FGF13: variants seen among roughly 807,000 people sequenced by gnomAD.
The protein encoded by FGF13 is fibroblast growth factor 13.
In FGF13, 2 loss-of-function variants were observed where a neutral mutation model predicts 19.5. The observed-to-expected ratio is 0.10, with a 90% CI of 0.04 to 0.32. The LOEUF (loss-of-function observed/expected upper bound fraction) is 0.32. Among genes scored for constraint, FGF13 ranks in the 10% least tolerant of loss-of-function variants. The pLI is 1.00. For missense variants in FGF13, 113 were observed against 192.7 expected (o/e 0.59, Z 2.45); for synonymous variants, 72 against 76.9 (o/e 0.94, Z 0.33).
chrX:138,740,426 C>A (rs2090311225), upstream of FGF13, among the ~76,000 whole-genome samples: 1 of 111,940 alleles, frequency 8.9e-6, no homozygotes, highest in Non-Finnish European at 1.9e-5. Flanking sequence ...TCATAAGCTT[C>A]TCTGCATAAT....
chrX:138,940,402 T>A (rs1603050331), intron 1 of FGF13, among the ~76,000 whole-genome samples: 2 of 112,296 alleles, frequency 1.8e-5, no homozygotes, highest in Admixed American at 1.9e-4. Context: ...TTGTTGATAG[T>A]TTCTTTTGCT....
At chrX:138,779,608 T>C (rs1198382158) in intron 3 of FGF13, among the ~76,000 whole-genome samples, 1 of 109,447 alleles carries the variant, frequency 9.1e-6, no homozygotes, top group Non-Finnish European at 1.9e-5. Flanking sequence ...AAGGGAAGTT[T>C]AGAGAAAAAA....
rs151061655 is a variant in FGF13, at chrX:139,050,392, G to A, written c.-113+153024C>T. Among the ~76,000 whole-genome samples, 717 of 111,872 alleles carry A rather than the reference G, an allele frequency of 6.4e-3. 9 individuals carry two copies. The highest frequency in any genetic ancestry group is 0.022 in the African/African-American group (669 of 30,841). On this transcript the variant is annotated intron_variant, in intron 1 of 2. Transcript: ENST00000421460. The stretch of plus-strand genomic sequence containing the variant: ...CTCTATATCCCCAACAGTGCCAAAC[G>A]CAGAGCCTTGCTTTGAATCAGGAGG...
At chrX:138,999,909 A>C (rs1291435796) in intron 1 of FGF13, among the ~76,000 whole-genome samples, 1 of 112,011 alleles carries the variant, frequency 8.9e-6, no homozygotes, top group Non-Finnish European at 1.9e-5. Context: ...GCCAATATCC[A>C]CGATGAACAT....
intron 3 of FGF13, among the ~76,000 whole-genome samples, chrX:138,698,006 C>T (rs957830267): frequency 9.0e-6 from 1 of 111,315 alleles, no homozygotes; most frequent in African/African-American, 3.3e-5. Context: ...ATTATCTCTG[C>T]ACAACAAATA....
At chrX:138,760,447 C>A (rs1251504145) in intron 3 of FGF13, among the ~76,000 whole-genome samples, 1 of 111,951 alleles carries the variant, frequency 8.9e-6, no homozygotes, top group Non-Finnish European at 1.9e-5. Context: ...AAAGCTGACA[C>A]AAGCCTGCCT....
chrX:138,966,234 C>A (rs1482175265), intron 1 of FGF13, among the ~76,000 whole-genome samples: 1 of 111,915 alleles, frequency 8.9e-6, no homozygotes, highest in African/African-American at 3.3e-5. Context: ...AAGAGGGCTA[C>A]TGTCCTTCAG....
chrX:138,695,034 A>ACAC (rs1569366564), intron 3 of FGF13, among the ~76,000 whole-genome samples: 2 of 85,512 alleles, frequency 2.3e-5, no homozygotes, highest in Non-Finnish European at 4.7e-5. Context: ...CACACACACA[A>ACAC]ACCCAGAAAA....
intron 3 of FGF13, among the ~76,000 whole-genome samples, chrX:138,689,724 T>C (rs1396790883): frequency 8.9e-6 from 1 of 112,064 alleles, no homozygotes; most frequent in African/African-American, 3.2e-5. Flanking sequence ...CATGTGGACA[T>C]TTAAGGCCGA....
chrX:139,024,644 T>C (rs1019853485), intron 1 of FGF13, among the ~76,000 whole-genome samples: 7 of 111,575 alleles, frequency 6.3e-5, no homozygotes, highest in Non-Finnish European at 1.3e-4. Flanking sequence ...TTAATTCATA[T>C]ACTTCCTAAA....
At chrX:138,858,133 GAGAC>G (rs1481185409) in intron 2 of FGF13, among the ~76,000 whole-genome samples, 1 of 111,812 alleles carries the variant, frequency 8.9e-6, no homozygotes, top group Non-Finnish European at 1.9e-5. Flanking sequence ...AGTATACACG[GAGAC>G]AGACAGAAGA....
intron 3 of FGF13, among the ~76,000 whole-genome samples, chrX:138,795,463 G>A (rs900004543): frequency 8.9e-5 from 10 of 111,822 alleles, no homozygotes; most frequent in African/African-American, 3.2e-4. Flanking sequence ...ATGGTTGATT[G>A]GCAGATAACA....
intron 3 of FGF13, among the ~76,000 whole-genome samples, chrX:138,835,888 T>A (rs2091109343): frequency 9.0e-6 from 1 of 111,226 alleles, no homozygotes; most frequent in Non-Finnish European, 1.9e-5. Context: ...CTGGAAAGGA[T>A]CTTATTTCTC....
chrX:139,173,206 A>G (rs761317207), intron 1 of FGF13, among the ~76,000 whole-genome samples: 59 of 111,310 alleles, frequency 5.3e-4, no homozygotes, highest in Non-Finnish European at 7.7e-4. Context: ...ATGGTGTGCT[A>G]CAAGAAATCA....
intron 3 of FGF13, among the ~76,000 whole-genome samples, chrX:138,636,333 A>C (rs1332490157): frequency 1.8e-5 from 2 of 111,826 alleles, no homozygotes; most frequent in Non-Finnish European, 3.8e-5. Context: ...ACTAGCAGAC[A>C]CGATAGAGCA....
In FGF13 at chrX:139,065,645, C is replaced by A. The variant is rs1269852577; in HGVS notation, c.-113+137771G>T. Among the ~76,000 whole-genome samples the A allele has an allele frequency of 2.7e-5, 3 of 110,353 alleles. No homozygotes were observed. The Admixed American group carries it at 2.9e-4, about 11-fold the overall frequency. Reference sequence around the variant, plus strand: ...CTAACTATCCTAAATACATATGCACCCAAAACGGGAGTACCCAGATTCATA... The same window carrying A: ...CTAACTATCCTAAATACATATGCACACAAAACGGGAGTACCCAGATTCATA... On this transcript the variant is annotated intron_variant, in intron 1 of 2. Coordinates refer to the FGF13 transcript ENST00000421460.
chrX:139,088,778 A>G (rs193034754), intron 1 of FGF13, among the ~76,000 whole-genome samples: 139 of 111,773 alleles, frequency 1.2e-3, no homozygotes, highest in Non-Finnish European at 1.4e-3. Context: ...GAATGTCTGC[A>G]TCCCCACAAA....
intron 1 of FGF13, among the ~76,000 whole-genome samples, chrX:139,185,831 G>T (rs1312406985): frequency 8.9e-6 from 1 of 111,855 alleles, no homozygotes; most frequent in Non-Finnish European, 1.9e-5. Context: ...TTACAAATGG[G>T]AATACTGATA....
intron 1 of FGF13, among the ~76,000 whole-genome samples, chrX:138,922,019 C>T (rs1409915561): frequency 9.5e-6 from 1 of 105,710 alleles, no homozygotes; most frequent in Non-Finnish European, 1.9e-5. Context: ...AAAAAACGAC[C>T]TCTCTATCAT....
Sources: allele counts gnomAD v4.1 joint callset (sites outside exome capture counted in the v4.1 genomes callset), GRCh38; gene constraint gnomAD v4.1.1; transcripts MANE v1.5; gene names NCBI Gene and HGNC (gene_info 2026-07-23, HGNC 2026-07-21).